HSPH1: variants seen among roughly 807,000 people sequenced by gnomAD.
HSPH1 encodes the protein heat shock protein 105 kDa.
A neutral mutation model predicts 100.0 loss-of-function variants in HSPH1; 40 were observed. That is an observed-to-expected ratio of 0.40 (90% CI 0.31 to 0.52). HSPH1 has a LOEUF of 0.52. Ranked by LOEUF, HSPH1 falls within the 20% of genes least tolerant of loss-of-function variation. The probability of loss-of-function intolerance (pLI) is 0.54; values close to 1 mark genes in which losing one functional copy is unlikely to be tolerated. For missense variants in HSPH1, 876 were observed against 1,015.1 expected, an observed-to-expected ratio of 0.86 and a Z score of 1.86; for synonymous variants, 403 against 344.0, an observed-to-expected ratio of 1.17 and a Z score of -1.90.
chr13:31,150,257 T>C, intron 7 of HSPH1, 75 bp from the exon 8 acceptor site: 1 of 1,054,034 alleles, frequency 9.5e-7, no homozygotes, highest in Non-Finnish European at 1.4e-6. Flanking sequence ...CCAATGAATT[T>C]CATTATTTTC....
intron 17 of HSPH1, 148 bp from the exon 18 acceptor site, chr13:31,137,672 CCA>C (rs1469484615): frequency 4.8e-5 from 31 of 641,482 alleles, no homozygotes; most frequent in African/African-American, 4.4e-4. Context: ...TTGCCCCAAA[CCA>C]CAGTTTACAT....
At chr13:31,157,273 C>T (rs1028405350) in intron 2 of HSPH1, among the ~76,000 whole-genome samples, 1 of 152,194 alleles carries the variant, frequency 6.6e-6, no homozygotes, top group African/African-American at 2.4e-5. Flanking sequence ...CTATCAATAT[C>T]CTCAATGGGC....
intron 12 of HSPH1, among the ~76,000 whole-genome samples, chr13:31,141,995 G>A (rs576023914): frequency 8.5e-5 from 13 of 152,132 alleles, no homozygotes; most frequent in African/African-American, 2.9e-4. Flanking sequence ...AGTATCTCCT[G>A]TGGCCTTCAA....
At chr13:31,158,914 TA>T (rs1245404854) in intron 1 of HSPH1, 51 bp from the exon 2 acceptor site, 2 of 1,122,054 alleles carry the variant, frequency 1.8e-6, no homozygotes, top group African/African-American at 3.1e-5. Context: ...GTTGATATTT[TA>T]AACTGATAAG....
chr13:31,140,406 AC>A, intron 13 of HSPH1, 97 bp from the exon 14 acceptor site: 1 of 1,207,084 alleles, frequency 8.3e-7, no homozygotes, highest in East Asian at 2.4e-5. Context: ...ATGATACAAA[AC>A]AAATTTTAGT....
At position 31,137,501 on chromosome 13, in the gene HSPH1, G is replaced by A. The variant is rs139072891; in HGVS notation, c.2394C>T (p.Pro798=). ...KIKELNNTCE[P]VVTQPKPKIE... ...TTTTTGGTTTCGGTTGTGTTACAAC[G>A]GGTTCACATGTGTTGTTCAATTCCT... Residue 798 remains proline, a synonymous_variant, in exon 18 of 18, where the codon CCC becomes CCT. Transcript: ENST00000320027. 395 of 1,612,952 alleles carry A rather than the reference G, an allele frequency of 2.4e-4. 1 individual carries two copies. In the East Asian group the frequency reaches 7.8e-3, roughly 32 times the overall value.
At position 31,152,949 on chromosome 13, in the gene HSPH1, G is replaced by C. The variant is rs766255880; in HGVS notation, c.432C>G (p.Val144=). 1.2e-6 allele frequency: 2 copies of C among 1,607,584 alleles called. No homozygotes were observed. The highest frequency in any genetic ancestry group is 2.7e-5 in the African/African-American group (2 of 74,680). The change falls in exon 5 of 18, where the codon GTC becomes GTG. Residue 144 remains valine (V), a splice_region_variant and synonymous_variant. Coordinates refer to ENST00000320027, the MANE Select transcript of HSPH1 (RefSeq NM_006644.4). The part of the protein sequence containing the change: ...KKPVTDCVIS[V]PSFFTDAERR... ...TCTCAGCATCTGTAAAGAAGGAGGGGACCTACAAACAAACAAAAAATTTTG... is the reference window on the plus strand; with the variant it reads ...TCTCAGCATCTGTAAAGAAGGAGGGCACCTACAAACAAACAAAAAATTTTG...
intron 1 of HSPH1, among the ~76,000 whole-genome samples, chr13:31,159,274 T>C (rs1365577342): frequency 1.3e-5 from 2 of 152,248 alleles, no homozygotes; most frequent in Non-Finnish European, 2.9e-5. Flanking sequence ...TACCGACTTT[T>C]GTTCTGATAT....
chr13:31,161,611 G>T lies in HSPH1; in HGVS notation c.-29C>A, dbSNP rs752534526. 1 of 1,609,680 alleles carries T rather than the reference G, an allele frequency of 6.2e-7. No individual in the cohort carries two copies. Among genetic ancestry groups the T allele is most frequent in the Non-Finnish European group, 8.5e-7 (1 of 1,179,394 alleles). ...CGGCTCGCGGTCCGCCTCCGCCTCGGGTCTCGGTCTGCGTCCTCCGGCCCC... is the reference window on the plus strand; with the variant it reads ...CGGCTCGCGGTCCGCCTCCGCCTCGTGTCTCGGTCTGCGTCCTCCGGCCCC... On this transcript the variant is annotated 5_prime_UTR_variant, in exon 1 of 18. Transcript: ENST00000320027.
At chr13:31,148,587 AAAAC>A (rs1480781809) in intron 8 of HSPH1, 107 bp from the exon 9 acceptor site, 2 of 497,590 alleles carry the variant, frequency 4.0e-6, no homozygotes, top group African/African-American at 2.0e-5. Context: ...AAAAAAAAAA[AAAAC>A]AACTCACATT....
At position 31,151,596 on chromosome 13, in the gene HSPH1, T is replaced by C. The variant is rs1331965523; in HGVS notation, c.663+13A>G. ...ACGTGTTTTGGACACTGAGTTCCAA[T>C]GTATGACTTTACCTTCAATTTTCCC... On this transcript the variant is annotated intron_variant, in intron 6 of 17. Coordinates refer to ENST00000320027, the MANE Select transcript of HSPH1 (RefSeq NM_006644.4). 7.5e-6 allele frequency: 12 copies of C among 1,607,780 alleles called. No homozygotes were observed. The highest frequency in any genetic ancestry group is 4.5e-5 in the East Asian group (2 of 44,732).
chr13:31,138,336 T>G lies in HSPH1; in HGVS notation c.2370+71A>C, dbSNP rs1007585633. 4 of 1,413,870 alleles carry G rather than the reference T, an allele frequency of 2.8e-6. No homozygotes were observed. In the Admixed American group the frequency reaches 8.1e-5, roughly 29 times the overall value. The allele number at this position is 1,413,870 out of a possible 1,614,324, so 87.6% of individuals were successfully genotyped here. A position where few individuals can be genotyped will look rare whatever the true frequency, so the allele number is the denominator to read the frequency against. ...AGATTTACAGGAAAAATGGCTATGT[T>G]GAAGGTTCAAATGATTGCAACTTGA... On this transcript the variant is annotated intron_variant, in intron 17 of 17. Coordinates refer to ENST00000320027, the MANE Select transcript of HSPH1 (RefSeq NM_006644.4).
At chr13:31,141,687 G>A (rs955931887) in intron 12 of HSPH1, among the ~76,000 whole-genome samples, 1 of 151,816 alleles carries the variant, frequency 6.6e-6, no homozygotes, top group African/African-American at 2.4e-5. Flanking sequence ...AATATTAAAG[G>A]CCCTATATGC....
rs1955870303 is a variant in HSPH1 at position 31,135,853 on chromosome 13, TG to T, written c.*1464del. On this transcript the variant is annotated 3_prime_UTR_variant, in exon 18 of 18. Transcript: ENST00000320027. ...CTATAGTTCTAAGATTAATCCCTTG[TG>T]GAAGAGGGAAAGTTGGCCCTCATCA... 1 of 152,174 alleles carries T rather than the reference TG, an allele frequency of 6.6e-6. No homozygotes were observed. The highest frequency in any genetic ancestry group is 2.4e-5 in the African/African-American group (1 of 41,436). The allele number at this position is 152,174 out of a possible 1,614,324, so 9.4% of individuals were successfully genotyped here.
Position 31,145,776 on chromosome 13 carries a change from A to G in HSPH1, c.1379-8T>C. ...TCTGAACTACAAAGCGGCCTAGAAC[A>G]ACAACAACAAAAATCACAAAATCAC... is the stretch of plus-strand genomic sequence containing the variant. On this transcript the variant is annotated splice_polypyrimidine_tract_variant and splice_region_variant and intron_variant, in intron 10 of 17. Coordinates refer to ENST00000320027, the MANE Select transcript of HSPH1 (RefSeq NM_006644.4). 6.2e-7 allele frequency: 1 copy of G among 1,611,904 alleles called. No homozygotes were observed. Among genetic ancestry groups the G allele is most frequent in the Non-Finnish European group, 8.5e-7 (1 of 1,178,372 alleles).
In HSPH1 at chr13:31,158,731, TTA is replaced by T. The variant is rs888917741; in HGVS notation, c.165+73_165+74del. On this transcript the variant is annotated intron_variant, in intron 2 of 17. Coordinates refer to ENST00000320027, the MANE Select transcript of HSPH1 (RefSeq NM_006644.4). Reference sequence around the variant, plus strand: ...ATAAACTTAGGCACACTTTACCCTCTTATATGTCTCTTGAGATTTTCCTTTTA... The same window carrying T: ...ATAAACTTAGGCACACTTTACCCTCTTATGTCTCTTGAGATTTTCCTTTTA... 73 of 927,480 alleles carry T rather than the reference TTA, an allele frequency of 7.9e-5. No homozygotes were observed. In the African/African-American group the frequency reaches 1.1e-3, roughly 14 times the overall value. 57.5% of individuals were successfully genotyped at this position (927,480 alleles called of 1,614,324 possible).
chr13:31,154,811 ATATTTAACTTCCAAAAAT>A, intron 3 of HSPH1, 56 bp from the exon 4 acceptor site: 1 of 1,475,412 alleles, frequency 6.8e-7, no homozygotes, highest in Admixed American at 2.0e-5. Context: ...CTACATGCCA[ATATTTAACTTCCAAAAAT>A]TAGCACACAT....
chr13:31,138,919 A>G lies in HSPH1; in HGVS notation c.2089-19T>C. 6.3e-7 allele frequency: 1 copy of G among 1,581,606 alleles called. No individual in the cohort carries two copies. Among genetic ancestry groups the G allele is most frequent in the Non-Finnish European group, 8.6e-7 (1 of 1,161,446 alleles). On this transcript the variant is annotated intron_variant, in intron 15 of 17. Transcript: ENST00000320027. ...CAATTTTCTAAAATAAAATGTAATAAATTAATAGTTATCATAATTTTATTT... is the reference window on the plus strand; with the variant it reads ...CAATTTTCTAAAATAAAATGTAATAGATTAATAGTTATCATAATTTTATTT...
chr13:31,162,099 G>A, upstream of HSPH1: 17 of 1,535,934 alleles, frequency 1.1e-5, no homozygotes, highest in Non-Finnish European at 1.5e-5. Context: ...TGCCATGGCA[G>A]CGACAGGGCC....
Sources: allele counts gnomAD v4.1 joint callset (sites outside exome capture counted in the v4.1 genomes callset), GRCh38; gene constraint gnomAD v4.1.1; transcripts MANE v1.5; gene names NCBI Gene and HGNC (gene_info 2026-07-23, HGNC 2026-07-21).